The following ANTXR1 variants were observed in gnomAD, a reference collection of about 807,000 sequenced individuals.
ANTXR1 encodes anthrax toxin receptor 1.
Under a neutral mutation model 78.1 loss-of-function variants are expected in ANTXR1, and 19 were observed. That is an observed-to-expected ratio of 0.24 (90% CI 0.17 to 0.36). ANTXR1 has a LOEUF of 0.36. Ranked by LOEUF, ANTXR1 falls within the 10% of genes least tolerant of loss-of-function variation. The pLI, the probability that ANTXR1 is intolerant of heterozygous loss-of-function variation, is 1.00. For missense variants in ANTXR1, 518 were observed against 718.6 expected, an observed-to-expected ratio of 0.72 and a Z score of 3.19; for synonymous variants, 273 against 260.5, an observed-to-expected ratio of 1.05 and a Z score of -0.46.
intron 11 of ANTXR1, among the ~76,000 whole-genome samples, chr2:69,124,335 C>T (rs184555968): frequency 5.3e-5 from 8 of 152,262 alleles, no homozygotes; most frequent in African/African-American, 1.9e-4. Context: ...CTTAATATAC[C>T]AGCCAAGCAT....
chr2:69,151,186 C>CTTTTTTTTTTTTTTT (rs59147668), intron 12 of ANTXR1, among the ~76,000 whole-genome samples: 4 of 82,562 alleles, frequency 4.8e-5, no homozygotes, highest in African/African-American at 9.7e-5. Context: ...TGATTATTTT[C>CTTTTTTTTTTTTTTT]TTTTTTTTTT....
chr2:69,049,207 G>T (rs1669859987), intron 3 of ANTXR1, among the ~76,000 whole-genome samples: 1 of 152,100 alleles, frequency 6.6e-6, no homozygotes, highest in South Asian at 2.1e-4. Flanking sequence ...GACCATGCAT[G>T]CAGCCCCCAT....
intron 17 of ANTXR1, among the ~76,000 whole-genome samples, chr2:69,239,950 G>T (rs531639817): frequency 6.6e-6 from 1 of 152,232 alleles, no homozygotes; most frequent in East Asian, 1.9e-4. Flanking sequence ...TAAAGCAATC[G>T]AAGGTAACCC....
intron 3 of ANTXR1, among the ~76,000 whole-genome samples, chr2:69,051,820 G>C (rs960079288): frequency 6.6e-6 from 1 of 151,910 alleles, no homozygotes; most frequent in Non-Finnish European, 1.5e-5. Context: ...TCATTATGGA[G>C]TGTGCATCTA....
At chr2:69,235,140 C>A (rs1302926769) in intron 17 of ANTXR1, among the ~76,000 whole-genome samples, 2 of 151,010 alleles carry the variant, frequency 1.3e-5, no homozygotes, top group Non-Finnish European at 2.9e-5. Flanking sequence ...TCTCCTGCCT[C>A]AGCCTCCTAA....
intron 17 of ANTXR1, among the ~76,000 whole-genome samples, chr2:69,229,314 C>G (rs560059075): frequency 6.6e-6 from 1 of 152,256 alleles, no homozygotes; most frequent in Non-Finnish European, 1.5e-5. Flanking sequence ...CAGCTACTGG[C>G]ATAGGAAAAG....
intron 1 of ANTXR1, among the ~76,000 whole-genome samples, chr2:69,017,961 A>G (rs556681839): frequency 1.3e-5 from 2 of 152,156 alleles, no homozygotes; most frequent in East Asian, 1.9e-4. Context: ...ACTATTTTAC[A>G]TGGAGCTATT....
rs147400656 is a variant in ANTXR1, at chr2:69,231,174, A to C, written c.1435-14051A>C. Reference sequence around the variant, plus strand: ...ATGGCTGCATAGTATTCCATGGTGTATATGTACCACATTTTCTTTATCTAA... The same window carrying C: ...ATGGCTGCATAGTATTCCATGGTGTCTATGTACCACATTTTCTTTATCTAA... On this transcript the variant is annotated intron_variant, in intron 17 of 17. Transcript: ENST00000303714. Among the ~76,000 whole-genome samples the C allele has an allele frequency of 7.4e-4, 112 of 152,326 alleles. 2 individuals are homozygous for C. In the East Asian group the frequency reaches 0.019, roughly 25 times the overall value.
At chr2:69,238,016 A>C (rs1371081454) in intron 17 of ANTXR1, among the ~76,000 whole-genome samples, 2 of 152,162 alleles carry the variant, frequency 1.3e-5, no homozygotes, top group Non-Finnish European at 2.9e-5. Flanking sequence ...AGTATGAAGG[A>C]TCTTTATGAA....
rs78922042 is a variant in ANTXR1 at position 69,118,099 on chromosome 2, A to G, written c.803-4918A>G. On this transcript the variant is annotated intron_variant, in intron 10 of 17. Coordinates refer to ENST00000303714, the MANE Select transcript of ANTXR1 (RefSeq NM_032208.3). The stretch of plus-strand genomic sequence containing the variant: ...CTTTGGTAATGGACAAAAGAAATTT[A>G]TATTTCAAGATCATCTAAGAATTAC... Among the ~76,000 whole-genome samples, 444 of 152,308 alleles carry G rather than the reference A, an allele frequency of 2.9e-3. 11 individuals are homozygous for G. In the East Asian group the frequency reaches 0.07, roughly 24 times the overall value.
chr2:69,117,520 T>C (rs1672187271), intron 10 of ANTXR1, among the ~76,000 whole-genome samples: 1 of 152,170 alleles, frequency 6.6e-6, no homozygotes, highest in African/African-American at 2.4e-5. Context: ...ACACACAAAT[T>C]CACTAAAGCT....
intron 3 of ANTXR1, among the ~76,000 whole-genome samples, chr2:69,059,735 G>A (rs1303695833): frequency 1.3e-5 from 2 of 151,958 alleles, no homozygotes. Flanking sequence ...TGCACTGGGA[G>A]GCCAAAAATG....
At chr2:69,237,893 A>C (rs538225416) in intron 17 of ANTXR1, among the ~76,000 whole-genome samples, 3 of 152,202 alleles carry the variant, frequency 2.0e-5, no homozygotes, top group Non-Finnish European at 4.4e-5. Flanking sequence ...TGAATTTTAC[A>C]TGGAAAGCCA....
At chr2:69,187,827 G>A (rs1674457798) in intron 16 of ANTXR1, among the ~76,000 whole-genome samples, 1 of 151,156 alleles carries the variant, frequency 6.6e-6, no homozygotes, top group South Asian at 2.1e-4. Flanking sequence ...TTGACCTCTT[G>A]ATCTGACCGC....
At chr2:69,244,012 A>C (rs1308479319) in intron 17 of ANTXR1, among the ~76,000 whole-genome samples, 1 of 152,254 alleles carries the variant, frequency 6.6e-6, no homozygotes, top group Non-Finnish European at 1.5e-5. Context: ...AAGAGAGCTC[A>C]CGCCAGCATG....
intron 17 of ANTXR1, among the ~76,000 whole-genome samples, chr2:69,207,321 G>C (rs958521463): frequency 6.6e-6 from 1 of 152,092 alleles, no homozygotes; most frequent in Non-Finnish European, 1.5e-5. Flanking sequence ...TTTGACTATT[G>C]AAATTCTTTA....
At chr2:69,095,983 G>A (rs1671385341) in intron 9 of ANTXR1, among the ~76,000 whole-genome samples, 1 of 152,084 alleles carries the variant, frequency 6.6e-6, no homozygotes, top group East Asian at 1.9e-4. Context: ...TTCCAGCCGG[G>A]CACGGTGGCT....
chr2:69,218,460 C>A (rs1370134433), intron 17 of ANTXR1, among the ~76,000 whole-genome samples: 2 of 152,092 alleles, frequency 1.3e-5, no homozygotes, highest in Non-Finnish European at 2.9e-5. Context: ...ACTCAGTGTG[C>A]CATAGCCAGG....
chr2:69,201,338 G>A (rs1674768025), intron 17 of ANTXR1, among the ~76,000 whole-genome samples: 1 of 152,150 alleles, frequency 6.6e-6, no homozygotes, highest in South Asian at 2.1e-4. Flanking sequence ...AGGTGAGACT[G>A]TGGCTCCTTC....
Sources: gnomAD v4.1 joint callset for allele counts (sites outside exome capture counted in the v4.1 genomes callset) on GRCh38, gnomAD v4.1.1 for gene constraint, MANE v1.5 for transcripts, NCBI Gene and HGNC (gene_info 2026-07-23, HGNC 2026-07-21) for gene names.